Variants in NALF1 observed in about 807,000 individuals in gnomAD.
The protein encoded by NALF1 is family with sequence similarity 155 member A.
Under a neutral mutation model 48.4 loss-of-function variants are expected in NALF1, and 3 were observed. The observed-to-expected ratio is 0.06, with a 90% CI of 0.03 to 0.16. The LOEUF is 0.16. NALF1 is among the 10% of genes least tolerant of loss of function. NALF1 has a pLI of 1.00. For synonymous variants in NALF1, 262 were observed against 245.7 expected (o/e 1.07, Z -0.62); for missense variants, 526 against 571.5 (o/e 0.92, Z 0.81).
chr13:107,727,515 T>C (rs903624789), intron 1 of NALF1, among the ~76,000 whole-genome samples: 28 of 152,148 alleles, frequency 1.8e-4, no homozygotes, highest in African/African-American at 6.0e-4. Flanking sequence ...AGTCCAGCAG[T>C]GGGACTCTGC....
At chr13:107,705,175 T>C (rs185091657) in intron 1 of NALF1, among the ~76,000 whole-genome samples, 223 of 152,262 alleles carry the variant, frequency 1.5e-3, no homozygotes, top group African/African-American at 5.1e-3. Flanking sequence ...CTCAAGACAC[T>C]GTAAATTGGT....
intron 1 of NALF1, among the ~76,000 whole-genome samples, chr13:107,693,262 G>A (rs1405783136): frequency 7.5e-6 from 1 of 132,756 alleles, no homozygotes; most frequent in Non-Finnish European, 1.5e-5. Flanking sequence ...TCATAGGTAG[G>A]AATTGAACAA....
intron 1 of NALF1, among the ~76,000 whole-genome samples, chr13:107,506,556 C>T (rs916514165): frequency 2.1e-4 from 32 of 149,714 alleles, no homozygotes; most frequent in African/African-American, 7.9e-4. Flanking sequence ...TTAGCAGTCA[C>T]CTACCCCAGC....
chr13:107,738,197 G>C (rs911999088), intron 1 of NALF1, among the ~76,000 whole-genome samples: 4 of 152,118 alleles, frequency 2.6e-5, no homozygotes, highest in Admixed American at 6.5e-5. Context: ...ATTATTAATA[G>C]GATATCCAGT....
chr13:107,819,285 G>T lies in NALF1; in HGVS notation c.915+46397C>A, dbSNP rs548076986. 4.3e-4 allele frequency among the ~76,000 whole-genome samples: 66 copies of T among 152,304 alleles called. 1 individual carries two copies. In the South Asian group the frequency reaches 9.3e-3, roughly 22 times the overall value. The stretch of plus-strand genomic sequence containing the variant: ...GTAATGTTTACCCTGGACTCCCAAT[G>T]TTAACACAATGGCTGGCACATAAAC... On this transcript the variant is annotated intron_variant, in intron 1 of 2. Transcript: ENST00000375915.
At chr13:107,350,598 T>A (rs974820301) in intron 1 of NALF1, among the ~76,000 whole-genome samples, 29 of 152,376 alleles carry the variant, frequency 1.9e-4, no homozygotes, top group African/African-American at 5.8e-4. Flanking sequence ...TACTTGTTTA[T>A]GCATTAATGC....
intron 1 of NALF1, among the ~76,000 whole-genome samples, chr13:107,718,002 T>C (rs1875871853): frequency 6.6e-6 from 1 of 152,214 alleles, no homozygotes; most frequent in African/African-American, 2.4e-5. Flanking sequence ...CCTGCTGTTG[T>C]TCCAGCTGAT....
chr13:107,181,363 C>G (rs1879056458), intron 2 of NALF1, among the ~76,000 whole-genome samples: 1 of 151,462 alleles, frequency 6.6e-6, no homozygotes, highest in Admixed American at 6.6e-5. Context: ...AAATAAAACA[C>G]TTACTGATCT....
At chr13:107,449,569 C>A (rs1050748290) in intron 1 of NALF1, among the ~76,000 whole-genome samples, 5 of 152,018 alleles carry the variant, frequency 3.3e-5, no homozygotes, top group Admixed American at 2.0e-4. Flanking sequence ...AATGCACAAG[C>A]GGATATGTAG....
At chr13:107,244,913 T>C (rs1486252707) in intron 1 of NALF1, among the ~76,000 whole-genome samples, 4 of 152,210 alleles carry the variant, frequency 2.6e-5, no homozygotes, top group Admixed American at 1.3e-4. Context: ...TGGAGATAAA[T>C]ATGTGTTTCC....
intron 1 of NALF1, among the ~76,000 whole-genome samples, chr13:107,824,590 G>T (rs1449876342): frequency 6.6e-6 from 1 of 152,182 alleles, no homozygotes; most frequent in Admixed American, 6.5e-5. Context: ...ATTCTGGCCT[G>T]TACTAATCCA....
chr13:107,338,387 G>A (rs565558335), intron 1 of NALF1, among the ~76,000 whole-genome samples: 1 of 150,820 alleles, frequency 6.6e-6, no homozygotes, highest in South Asian at 2.1e-4. Flanking sequence ...GCAACAATGT[G>A]ATTTTAGGAA....
chr13:107,411,452 C>T (rs981310092), intron 1 of NALF1, among the ~76,000 whole-genome samples: 1 of 152,124 alleles, frequency 6.6e-6, no homozygotes, highest in South Asian at 2.1e-4. Context: ...ATTGGGATTA[C>T]AGGCATGAGC....
intron 1 of NALF1, among the ~76,000 whole-genome samples, chr13:107,411,588 G>A (rs1051057504): frequency 6.6e-6 from 1 of 152,158 alleles, no homozygotes; most frequent in Non-Finnish European, 1.5e-5. Flanking sequence ...GGAGCACTGA[G>A]AAGCCGTCAT....
At chr13:107,539,906 TA>T (rs1423684052) in intron 1 of NALF1, among the ~76,000 whole-genome samples, 10 of 152,154 alleles carry the variant, frequency 6.6e-5, no homozygotes, top group Non-Finnish European at 8.8e-5. Flanking sequence ...CTGAGACGTA[TA>T]AACTTACAGT....
At chr13:107,746,678 GTT>G (rs1202215418) in intron 1 of NALF1, among the ~76,000 whole-genome samples, 13 of 152,152 alleles carry the variant, frequency 8.5e-5, no homozygotes, top group Non-Finnish European at 1.5e-4. Context: ...TCTTTTCAAT[GTT>G]AACAGGAAAG....
At chr13:107,841,506 A>G (rs1320649497) in intron 1 of NALF1, among the ~76,000 whole-genome samples, 2 of 152,144 alleles carry the variant, frequency 1.3e-5, no homozygotes, top group African/African-American at 4.8e-5. Context: ...CCACTGGAAT[A>G]ATGTAAATAA....
intron 2 of NALF1, among the ~76,000 whole-genome samples, chr13:107,199,984 CT>C (rs68005737): frequency 0.075 from 11,428 of 152,218 alleles, 906 homozygotes; most frequent in African/African-American, 0.2. Flanking sequence ...GGAGTTGCTA[CT>C]CACTAATGAA....
At chr13:107,504,148 AGG>A (rs1875617209) in intron 1 of NALF1, among the ~76,000 whole-genome samples, 1 of 150,672 alleles carries the variant, frequency 6.6e-6, no homozygotes, top group Non-Finnish European at 1.5e-5. Flanking sequence ...GCTACTTGGG[AGG>A]CTAAGGCTGG....
Sources: allele counts gnomAD v4.1 joint callset (sites outside exome capture counted in the v4.1 genomes callset), GRCh38; gene constraint gnomAD v4.1.1; transcripts MANE v1.5; gene names NCBI Gene and HGNC (gene_info 2026-07-23, HGNC 2026-07-21).